CADM2: variants seen among roughly 807,000 people sequenced by gnomAD.
CADM2 encodes the protein immunoglobulin superfamily member 4D.
A neutral mutation model predicts 49.8 loss-of-function variants in CADM2; 12 were observed. The ratio of observed to expected loss-of-function variants is 0.24; its 90% CI spans 0.15 to 0.39. The LOEUF (loss-of-function observed/expected upper bound fraction) is 0.39. Ranked by LOEUF, CADM2 falls within the 10% of genes least tolerant of loss-of-function variation. CADM2 has a pLI of 1.00. For missense variants in CADM2, 378 were observed against 492.3 expected (o/e 0.77, Z 2.20); for synonymous variants, 214 against 175.4 (o/e 1.22, Z -1.74).
intron 1 of CADM2, among the ~76,000 whole-genome samples, chr3:85,516,143 G>C (rs934982589): frequency 1.3e-5 from 2 of 152,132 alleles, no homozygotes; most frequent in South Asian, 2.1e-4. Flanking sequence ...AGTCTGTGAT[G>C]TGAATAATCA....
intron 1 of CADM2, among the ~76,000 whole-genome samples, chr3:85,719,267 G>A (rs1027659175): frequency 3.3e-5 from 5 of 152,004 alleles, no homozygotes; most frequent in Admixed American, 6.5e-5. Flanking sequence ...GGTAGCCAAC[G>A]CTGAACTATT....
intron 1 of CADM2, among the ~76,000 whole-genome samples, chr3:85,651,846 C>G (rs1008749576): frequency 6.7e-6 from 1 of 148,562 alleles, no homozygotes; most frequent in Non-Finnish European, 1.5e-5. Flanking sequence ...GAGACAGAGT[C>G]ACGCTCTGTC....
chr3:85,666,846 G>A (rs952773149), intron 1 of CADM2, among the ~76,000 whole-genome samples: 1 of 151,864 alleles, frequency 6.6e-6, no homozygotes, highest in African/African-American at 2.4e-5. Flanking sequence ...CAAATGCCAG[G>A]GTATTTTGGG....
intron 6 of CADM2, among the ~76,000 whole-genome samples, chr3:85,922,388 C>CTT (rs1719240051): frequency 1.3e-5 from 2 of 151,306 alleles, no homozygotes; most frequent in Non-Finnish European, 2.9e-5. Flanking sequence ...CTGGGCCACA[C>CTT]TTTTTTTGTT....
chr3:85,144,288 C>G (rs1234633848), intron 1 of CADM2, among the ~76,000 whole-genome samples: 1 of 151,478 alleles, frequency 6.6e-6, no homozygotes, highest in African/African-American at 2.4e-5. Flanking sequence ...CACAATCTTT[C>G]TCGTGTCTTT....
intron 8 of CADM2, among the ~76,000 whole-genome samples, chr3:86,054,798 A>G (rs540294190): frequency 4.6e-5 from 7 of 152,226 alleles, no homozygotes; most frequent in Non-Finnish European, 8.8e-5. Flanking sequence ...CTTAACCTCC[A>G]TTCTGCTTAA....
At chr3:85,153,638 G>A (rs1156643857) in intron 1 of CADM2, among the ~76,000 whole-genome samples, 1 of 152,108 alleles carries the variant, frequency 6.6e-6, no homozygotes, top group Admixed American at 6.5e-5. Flanking sequence ...TGGGGGCAGG[G>A]CACAGACAAA....
chr3:85,232,134 ATATTATTATTAT>A (rs10575918), intron 1 of CADM2, among the ~76,000 whole-genome samples: 19 of 146,384 alleles, frequency 1.3e-4, no homozygotes, highest in African/African-American at 3.7e-4. Context: ...CGATTTGAAG[ATATTATTATTAT>A]TATTATTATT....
intron 1 of CADM2, among the ~76,000 whole-genome samples, chr3:85,413,804 A>G (rs2035788841): frequency 1.3e-5 from 2 of 152,186 alleles, no homozygotes. Flanking sequence ...AAACAGTATC[A>G]GTATAGAAAC....
chr3:85,873,086 T>G (rs1419903342), intron 3 of CADM2, among the ~76,000 whole-genome samples: 1 of 152,134 alleles, frequency 6.6e-6, no homozygotes, highest in East Asian at 1.9e-4. Context: ...AAAAGGGCAC[T>G]TCCCAAAACT....
chr3:86,041,745 C>T (rs1735972182), intron 8 of CADM2, among the ~76,000 whole-genome samples: 1 of 152,188 alleles, frequency 6.6e-6, no homozygotes. Flanking sequence ...TAGACATCTA[C>T]AGAACTTTCC....
At chr3:85,088,235 A>C (rs1313525106) in intron 1 of CADM2, among the ~76,000 whole-genome samples, 1 of 152,154 alleles carries the variant, frequency 6.6e-6, no homozygotes, top group African/African-American at 2.4e-5. Context: ...CCTTATACAA[A>C]AAGTAATGGC....
At chr3:85,350,594 G>A (rs1368747) in intron 1 of CADM2, among the ~76,000 whole-genome samples, 141,986 of 152,168 alleles carry the variant, frequency 0.93, 66,513 homozygotes, top group Non-Finnish European at 0.97. Context: ...ATTTCATTCA[G>A]AAGTTCAGAA....
intron 4 of CADM2, among the ~76,000 whole-genome samples, chr3:85,885,619 T>A (rs78626848): frequency 0.044 from 6,542 of 148,802 alleles, 308 homozygotes; most frequent in East Asian, 0.2. Context: ...GAGGTGGAGG[T>A]TGCAGTGAAC....
At chr3:85,583,810 A>ATT (rs528883820) in intron 1 of CADM2, among the ~76,000 whole-genome samples, 1 of 151,978 alleles carries the variant, frequency 6.6e-6, no homozygotes, top group South Asian at 2.1e-4. Flanking sequence ...ATGAAATTAC[A>ATT]TTTTTTTAAA....
chr3:85,210,183 A>G (rs1246121537), intron 1 of CADM2, among the ~76,000 whole-genome samples: 3 of 152,186 alleles, frequency 2.0e-5, no homozygotes, highest in African/African-American at 7.2e-5. Flanking sequence ...AGTTTTTATC[A>G]TGAAGGAATG....
At chr3:86,026,749 G>A (rs1462020503) in intron 8 of CADM2, among the ~76,000 whole-genome samples, 1 of 152,188 alleles carries the variant, frequency 6.6e-6, no homozygotes, top group Non-Finnish European at 1.5e-5. Context: ...CTCCGTGTTG[G>A]TGTGATTGCT....
intron 1 of CADM2, among the ~76,000 whole-genome samples, chr3:85,190,253 A>G (rs1037066527): frequency 6.6e-6 from 1 of 152,082 alleles, no homozygotes; most frequent in South Asian, 2.1e-4. Context: ...CCAGTTTTCA[A>G]TAGGATGTGC....
At chr3:85,356,545 T>C (rs2031877368) in intron 1 of CADM2, among the ~76,000 whole-genome samples, 1 of 152,058 alleles carries the variant, frequency 6.6e-6, no homozygotes, top group African/African-American at 2.4e-5. Context: ...CAATGAGATC[T>C]GCGTTTTGAA....
Sources: gnomAD v4.1 joint callset for allele counts (sites outside exome capture counted in the v4.1 genomes callset) on GRCh38, gnomAD v4.1.1 for gene constraint, MANE v1.5 for transcripts, NCBI Gene and HGNC (gene_info 2026-07-23, HGNC 2026-07-21) for gene names.